The following TMTC2 variants were observed in gnomAD, a reference collection of about 807,000 sequenced individuals.
TMTC2 encodes transmembrane O-mannosyltransferase targeting cadherins 2.
Under a neutral mutation model 82.4 loss-of-function variants are expected in TMTC2, and 43 were observed. That is an observed-to-expected ratio of 0.52 (90% CI 0.41 to 0.67). The LOEUF (loss-of-function observed/expected upper bound fraction) is 0.67, where lower values mean the gene tolerates loss of function less well. Ranked by LOEUF, TMTC2 falls within the 30% of genes least tolerant of loss-of-function variation. TMTC2 has a pLI of 0.00. For synonymous variants in TMTC2, 408 were observed against 381.9 expected, an observed-to-expected ratio of 1.07 and a Z score of -0.80; for missense variants, 919 against 1,012.4, an observed-to-expected ratio of 0.91 and a Z score of 1.25.
At chr12:83,102,862 GACTAA>G (rs986442145) in intron 11 of TMTC2, among the ~76,000 whole-genome samples, 1 of 152,158 alleles carries the variant, frequency 6.6e-6, no homozygotes, top group African/African-American at 2.4e-5. Context: ...TAGGTTAATA[GACTAA>G]ACTAAACTAT....
At chr12:82,940,563 T>C (rs1310882602) in intron 4 of TMTC2, among the ~76,000 whole-genome samples, 4 of 152,096 alleles carry the variant, frequency 2.6e-5, no homozygotes, top group African/African-American at 7.2e-5. Flanking sequence ...TAAATCTTAC[T>C]TTCATTAGAA....
chr12:83,030,236 T>C (rs538521290), intron 8 of TMTC2, among the ~76,000 whole-genome samples: 2 of 152,288 alleles, frequency 1.3e-5, no homozygotes, highest in African/African-American at 4.8e-5. Context: ...ACACTCTTCT[T>C]AGTACCCTTG....
At chr12:83,031,496 A>G (rs889970563) in intron 9 of TMTC2, among the ~76,000 whole-genome samples, 1 of 152,182 alleles carries the variant, frequency 6.6e-6, no homozygotes, top group Non-Finnish European at 1.5e-5. Flanking sequence ...GAGGCAAAGT[A>G]TATAGCTGGT....
At chr12:83,071,255 C>T (rs1018155107) in intron 11 of TMTC2, among the ~76,000 whole-genome samples, 8 of 150,262 alleles carry the variant, frequency 5.3e-5, no homozygotes, top group South Asian at 2.2e-4. Context: ...CCTGGGTTCA[C>T]GCCATTCTCC....
Position 82,930,525 on chromosome 12 carries a change from G to A in TMTC2, c.1578G>A (p.Met526Ile), listed in dbSNP as rs1298732391. The A allele has an allele frequency of 6.3e-7, 1 of 1,590,264 alleles. No individual in the cohort carries two copies. The highest frequency in any genetic ancestry group is 1.3e-5 in the African/African-American group (1 of 74,580). ...YRNALYYRSN[M>I]ADMLYNLGLL... is the part of the protein sequence containing the mutation. ...ATGCTTTGTACTACCGCAGCAACATGGCTGACATGCTTTATAATTTGTGAG... is the reference window on the plus strand; with the variant it reads ...ATGCTTTGTACTACCGCAGCAACATAGCTGACATGCTTTATAATTTGTGAG... The change falls in exon 4 of 12, where the codon ATG (methionine) becomes ATA (isoleucine). Residue 526 changes from methionine (M) to isoleucine (I), a missense_variant. Transcript: ENST00000321196.
At chr12:82,767,515 A>G (rs1041974650) in intron 1 of TMTC2, among the ~76,000 whole-genome samples, 6 of 152,102 alleles carry the variant, frequency 3.9e-5, no homozygotes, top group Non-Finnish European at 8.8e-5. Flanking sequence ...TGACCCAGGA[A>G]GTCGAGGCTG....
chr12:82,868,879 A>G (rs1360834706), intron 2 of TMTC2, among the ~76,000 whole-genome samples: 1 of 151,608 alleles, frequency 6.6e-6, no homozygotes, highest in Non-Finnish European at 1.5e-5. Context: ...TTATTTTCTC[A>G]CCTCCTGGAG....
chr12:82,718,947 T>G (rs1874030207), intron 1 of TMTC2, among the ~76,000 whole-genome samples: 1 of 151,284 alleles, frequency 6.6e-6, no homozygotes, highest in Admixed American at 6.6e-5. Flanking sequence ...CTGTAGAGTT[T>G]AATCCTATTG....
At chr12:83,109,544 G>T (rs1395923237) in intron 11 of TMTC2, among the ~76,000 whole-genome samples, 1 of 152,142 alleles carries the variant, frequency 6.6e-6, no homozygotes, top group African/African-American at 2.4e-5. Flanking sequence ...CACCTCTGTG[G>T]TCTCATTTCA....
chr12:83,025,074 G>A (rs1881102311), intron 8 of TMTC2, among the ~76,000 whole-genome samples: 1 of 152,082 alleles, frequency 6.6e-6, no homozygotes, highest in East Asian at 1.9e-4. Flanking sequence ...ATGCTCTAGT[G>A]ACAGCTTCTC....
intron 1 of TMTC2, among the ~76,000 whole-genome samples, chr12:82,762,578 G>A (rs918228758): frequency 6.6e-6 from 1 of 152,176 alleles, no homozygotes; most frequent in Admixed American, 6.5e-5. Flanking sequence ...GAGAGAGTCA[G>A]CTGGGTGCAG....
At chr12:82,934,114 A>G (rs542709958) in intron 4 of TMTC2, among the ~76,000 whole-genome samples, 20 of 152,314 alleles carry the variant, frequency 1.3e-4, no homozygotes, top group African/African-American at 4.8e-4. Flanking sequence ...CTATAACACA[A>G]GGAAGCTGAG....
intron 7 of TMTC2, among the ~76,000 whole-genome samples, chr12:82,974,368 T>G (rs1211406768): frequency 6.6e-6 from 1 of 152,262 alleles, no homozygotes; most frequent in Non-Finnish European, 1.5e-5. Flanking sequence ...ATTGTGATTT[T>G]ATGTTACACC....
At chr12:82,906,896 G>T (rs941465901) in intron 3 of TMTC2, among the ~76,000 whole-genome samples, 1 of 152,038 alleles carries the variant, frequency 6.6e-6, no homozygotes, top group Non-Finnish European at 1.5e-5. Flanking sequence ...ATAGCAGGAA[G>T]TTAAATCTGG....
chr12:82,731,657 A>G (rs1874815725), intron 1 of TMTC2, among the ~76,000 whole-genome samples: 2 of 152,220 alleles, frequency 1.3e-5, no homozygotes, highest in South Asian at 4.1e-4. Context: ...TTTTAGGCAA[A>G]GTGAAGAAAA....
intron 1 of TMTC2, among the ~76,000 whole-genome samples, chr12:82,725,745 C>T (rs920226476): frequency 6.6e-6 from 1 of 152,094 alleles, no homozygotes; most frequent in East Asian, 1.9e-4. Context: ...AGTTCGAAAC[C>T]AGGGGTGGGT....
intron 3 of TMTC2, among the ~76,000 whole-genome samples, chr12:82,903,556 C>T (rs1035591917): frequency 1.1e-4 from 17 of 152,080 alleles, no homozygotes; most frequent in African/African-American, 4.1e-4. Flanking sequence ...GGACTACAGG[C>T]GCCCGCCACC....
chr12:83,059,386 G>A (rs1295396604), intron 10 of TMTC2, among the ~76,000 whole-genome samples: 2 of 151,666 alleles, frequency 1.3e-5, no homozygotes, highest in Admixed American at 6.6e-5. Context: ...AATAAAATGA[G>A]GATATAAATG....
chr12:83,017,530 C>A (rs1880728184), intron 8 of TMTC2, among the ~76,000 whole-genome samples: 1 of 152,132 alleles, frequency 6.6e-6, no homozygotes, highest in Non-Finnish European at 1.5e-5. Flanking sequence ...TTTATCCCTC[C>A]TCTGTTTAAT....
Sources: allele counts gnomAD v4.1 joint callset (sites outside exome capture counted in the v4.1 genomes callset), GRCh38; gene constraint gnomAD v4.1.1; transcripts MANE v1.5; gene names NCBI Gene and HGNC (gene_info 2026-07-23, HGNC 2026-07-21).